The following LDLRAD4 variants were observed in gnomAD, a reference collection of about 807,000 sequenced individuals.
The protein encoded by LDLRAD4 is low density lipoprotein receptor class A domain containing 4.
A neutral mutation model predicts 17.0 loss-of-function variants in LDLRAD4; 5 were observed. The ratio of observed to expected loss-of-function variants is 0.29; its 90% CI spans 0.15 to 0.62. The LOEUF (loss-of-function observed/expected upper bound fraction) is 0.62, where lower values mean the gene tolerates loss of function less well. Ranked by LOEUF, LDLRAD4 falls within the 20% of genes least tolerant of loss-of-function variation. LDLRAD4 has a pLI of 0.84. For synonymous variants in LDLRAD4, 168 were observed against 171.8 expected, an observed-to-expected ratio of 0.98 and a Z score of 0.17; for missense variants, 340 against 424.7, an observed-to-expected ratio of 0.80 and a Z score of 1.75.
At chr18:13,628,217 G>T (rs1411446637) in intron 4 of LDLRAD4, among the ~76,000 whole-genome samples, 2 of 152,252 alleles carry the variant, frequency 1.3e-5, no homozygotes, top group Non-Finnish European at 2.9e-5. Context: ...ATGATTTTCA[G>T]TAAGGCTTGA....
intron 3 of LDLRAD4, among the ~76,000 whole-genome samples, chr18:13,558,295 A>C (rs1272553720): frequency 6.6e-6 from 1 of 152,204 alleles, no homozygotes; most frequent in African/African-American, 2.4e-5. Context: ...GGTTCTGAAG[A>C]CACATCCCTG....
rs1486889367 is a variant in LDLRAD4 at position 13,398,013 on chromosome 18, C to T, written c.40+10251C>T. ...AGCCCCAGGAGGTGTGGGCGTGATC[C>T]GAGTTTGTGGCTCAGGATCTGCACA... On this transcript the variant is annotated intron_variant, in intron 2 of 5. Coordinates refer to ENST00000359446, the Ensembl canonical transcript of LDLRAD4. The surrounding 1 kb of genome is among the most constrained non-coding windows in gnomAD (Gnocchi z 4.8). Among the ~76,000 whole-genome samples the T allele has an allele frequency of 2.0e-5, 3 of 152,130 alleles. No individual in the cohort carries two copies. The highest frequency in any genetic ancestry group is 6.5e-5 in the Admixed American group (1 of 15,280).
chr18:13,405,137 G>A (rs2087610587), intron 2 of LDLRAD4, among the ~76,000 whole-genome samples: 1 of 151,516 alleles, frequency 6.6e-6, no homozygotes, highest in Admixed American at 6.6e-5. Context: ...ATAATATTAT[G>A]TATAATATTA....
At chr18:13,484,541 C>T (rs541058583) in intron 3 of LDLRAD4, among the ~76,000 whole-genome samples, 16 of 152,122 alleles carry the variant, frequency 1.1e-4, no homozygotes, top group Non-Finnish European at 2.1e-4. Context: ...GCTGGAGCAT[C>T]GAGGCTGCAG....
chr18:13,405,978 T>G (rs1010192786), intron 2 of LDLRAD4, among the ~76,000 whole-genome samples: 1 of 152,234 alleles, frequency 6.6e-6, no homozygotes, highest in African/African-American at 2.4e-5. Context: ...TTAAACTCAG[T>G]AAAGGTTCCA....
chr18:13,576,490 C>T (rs2094775623), intron 3 of LDLRAD4, among the ~76,000 whole-genome samples: 1 of 151,876 alleles, frequency 6.6e-6, no homozygotes, highest in African/African-American at 2.4e-5. Context: ...AGTTTCTTGC[C>T]TAGCTTAAAG....
Position 13,371,767 on chromosome 18 carries a change from A to AAG in LDLRAD4, c.-382-15560_-382-15559dup, listed in dbSNP as rs147105801. Among the ~76,000 whole-genome samples, 13 of 151,762 alleles carry AAG rather than the reference A, an allele frequency of 8.6e-5. No individual in the cohort carries two copies. The East Asian group carries it at 1.9e-3, about 23-fold the overall frequency. ...GCAACAGAGTGAGACTCTGTCTCAA[A>AAG]AGAGAGAGAGAGAGAAAGAGAGAGA... On this transcript the variant is annotated intron_variant, in intron 1 of 5. Transcript: ENST00000359446.
chr18:13,274,580 G>A (rs139307808), upstream of LDLRAD4, among the ~76,000 whole-genome samples: 40 of 152,332 alleles, frequency 2.6e-4, no homozygotes, highest in African/African-American at 9.1e-4. Flanking sequence ...CGATGATCAC[G>A]TTTGCTGAGT....
intron 1 of LDLRAD4, among the ~76,000 whole-genome samples, chr18:13,349,010 C>T (rs1568035607): frequency 6.6e-6 from 1 of 152,328 alleles, no homozygotes; most frequent in South Asian, 2.1e-4. Flanking sequence ...TTCCCTGACC[C>T]CTTGCACTTC....
intron 1 of LDLRAD4, among the ~76,000 whole-genome samples, chr18:13,271,602 A>C (rs1328799563): frequency 6.6e-6 from 1 of 152,164 alleles, no homozygotes; most frequent in Non-Finnish European, 1.5e-5. Flanking sequence ...ACTATCTGAT[A>C]AGCCCCTGTT....
chr18:13,482,943 G>A (rs1170112347), intron 3 of LDLRAD4, among the ~76,000 whole-genome samples: 2 of 152,158 alleles, frequency 1.3e-5, no homozygotes, highest in East Asian at 3.8e-4. Context: ...GGGAGTCTAA[G>A]ACAAATGCAT....
chr18:13,570,153 G>A (rs908442451), intron 3 of LDLRAD4, among the ~76,000 whole-genome samples: 2 of 152,198 alleles, frequency 1.3e-5, no homozygotes, highest in African/African-American at 4.8e-5. Flanking sequence ...GTGATAGAAG[G>A]TGACGTTTTC....
At chr18:13,559,440 TA>T (rs35555251) in intron 3 of LDLRAD4, among the ~76,000 whole-genome samples, 91,704 of 151,964 alleles carry the variant, frequency 0.6, 27,847 homozygotes, top group Non-Finnish European at 0.62. Flanking sequence ...CCCAATATGC[TA>T]AAAAAATGCA....
At chr18:13,467,486 G>T (rs902654990) in intron 3 of LDLRAD4, among the ~76,000 whole-genome samples, 1 of 152,204 alleles carries the variant, frequency 6.6e-6, no homozygotes, top group Non-Finnish European at 1.5e-5. Flanking sequence ...ATTGCTGAAA[G>T]AAATTAAAGA....
chr18:13,232,300 A>G (rs1276090796), intron 1 of LDLRAD4, among the ~76,000 whole-genome samples: 1 of 152,198 alleles, frequency 6.6e-6, no homozygotes, highest in Non-Finnish European at 1.5e-5. Context: ...TGGATCTGCC[A>G]GTGTGGCCCC....
intron 2 of LDLRAD4, among the ~76,000 whole-genome samples, chr18:13,388,038 TC>T (rs2085957922): frequency 6.6e-6 from 1 of 152,234 alleles, no homozygotes; most frequent in Non-Finnish European, 1.5e-5. Context: ...CGCAGCGTCT[TC>T]CAAGTCTCTG....
chr18:13,431,577 AC>A (rs1326017125), intron 2 of LDLRAD4, among the ~76,000 whole-genome samples: 6 of 152,224 alleles, frequency 3.9e-5, no homozygotes, highest in Admixed American at 3.9e-4. Context: ...TTTTAAGAGC[AC>A]GTTGTTGCAT....
At chr18:13,592,884 C>G (rs762640996) in intron 3 of LDLRAD4, among the ~76,000 whole-genome samples, 15 of 152,214 alleles carry the variant, frequency 9.9e-5, no homozygotes, top group Non-Finnish European at 2.2e-4. Flanking sequence ...CAGTTTCAAG[C>G]AATTCTTAAG....
At chr18:13,605,420 G>A (rs1015879699) in intron 3 of LDLRAD4, among the ~76,000 whole-genome samples, 1 of 152,190 alleles carries the variant, frequency 6.6e-6, no homozygotes, top group African/African-American at 2.4e-5. Flanking sequence ...GTCTCACTGT[G>A]TTGCCCAGGC....
Sources: gnomAD v4.1 joint callset for allele counts (sites outside exome capture counted in the v4.1 genomes callset) on GRCh38, gnomAD v4.1.1 for gene constraint, Gnocchi (gnomAD v3.1) non-coding constraint, MANE v1.5 for transcripts, NCBI Gene and HGNC (gene_info 2026-07-23, HGNC 2026-07-21) for gene names.